The following APPBP2 variants were observed in gnomAD, a reference collection of about 807,000 sequenced individuals.
APPBP2 encodes amyloid beta precursor protein binding protein 2.
Under a neutral mutation model 76.0 loss-of-function variants are expected in APPBP2, and 15 were observed. The ratio of observed to expected loss-of-function variants is 0.20; its 90% CI spans 0.13 to 0.30. The LOEUF is 0.30. Ranked by LOEUF, APPBP2 falls within the 10% of genes least tolerant of loss-of-function variation. The pLI is 1.00. For synonymous variants in APPBP2, 222 were observed against 242.2 expected (o/e 0.92, Z 0.77); for missense variants, 401 against 687.2 (o/e 0.58, Z 4.66).
chr17:60,447,452 T>C lies in APPBP2; in HGVS notation c.*129A>G. The C allele has an allele frequency of 2.9e-6, 3 of 1,047,960 alleles. No individual in the cohort carries two copies. The highest frequency in any genetic ancestry group is 4.1e-6 in the Non-Finnish European group (3 of 730,120). 64.9% of individuals were successfully genotyped at this position (1,047,960 alleles called of 1,614,324 possible). ...TCTGCAAGATAGGGATCACCCAAAA[T>C]AGGGTCTTCAATGGACTGGACCAGT... On this transcript the variant is annotated 3_prime_UTR_variant, in exon 13 of 13. Transcript: ENST00000083182.
rs553004716 is a variant in APPBP2, at chr17:60,511,540, G to A, written c.139-11053C>T. 8.7e-5 allele frequency among the ~76,000 whole-genome samples: 13 copies of A among 149,390 alleles called. No homozygotes were observed. The South Asian group carries it at 1.9e-3, about 22-fold the overall frequency. The stretch of plus-strand genomic sequence containing the variant: ...GCAGAGGTTGCGGTGAGCCGAGATC[G>A]CATCACTGTATTCCAGCCTGGCGAC... On this transcript the variant is annotated intron_variant, in intron 1 of 12. Coordinates refer to ENST00000083182, the MANE Select transcript of APPBP2 (RefSeq NM_006380.5).
At position 60,506,397 on chromosome 17, in the gene APPBP2, C is replaced by A. The variant is rs375800756; in HGVS notation, c.139-5910G>T. Among the ~76,000 whole-genome samples the A allele has an allele frequency of 2.0e-5, 3 of 152,312 alleles. No individual in the cohort carries two copies. In the East Asian group the frequency reaches 5.8e-4, roughly 29 times the overall value. ...TCTTTTGGCTCATAACTTTTGCACA[C>A]ATATGCTACTACCTCTACATGAAGC... On this transcript the variant is annotated intron_variant, in intron 1 of 12. Coordinates refer to ENST00000083182, the MANE Select transcript of APPBP2 (RefSeq NM_006380.5).
chr17:60,491,589 C>A (rs1361014459), intron 3 of APPBP2, among the ~76,000 whole-genome samples: 1 of 151,990 alleles, frequency 6.6e-6, no homozygotes, highest in Non-Finnish European at 1.5e-5. Flanking sequence ...AGATTACAGG[C>A]ACCCGCCAAC....
chr17:60,506,620 T>C (rs1289662657), intron 1 of APPBP2, among the ~76,000 whole-genome samples: 2 of 152,226 alleles, frequency 1.3e-5, no homozygotes, highest in Non-Finnish European at 2.9e-5. Context: ...TAAACAGTCA[T>C]TTGTTAAATA....
At chr17:60,470,811 G>T (rs1270623274) in intron 4 of APPBP2, among the ~76,000 whole-genome samples, 1 of 135,102 alleles carries the variant, frequency 7.4e-6, no homozygotes, top group Non-Finnish European at 1.6e-5. Context: ...TTTTTTTTGA[G>T]ATGGGGTCTT....
At chr17:60,503,941 T>C (rs537974796) in intron 1 of APPBP2, among the ~76,000 whole-genome samples, 1 of 152,170 alleles carries the variant, frequency 6.6e-6, no homozygotes, top group Non-Finnish European at 1.5e-5. Context: ...ACTTACCCTA[T>C]ATTGCCTCTT....
intron 1 of APPBP2, among the ~76,000 whole-genome samples, chr17:60,503,154 C>T (rs936336573): frequency 2.1e-5 from 3 of 144,186 alleles, no homozygotes; most frequent in South Asian, 4.2e-4. Flanking sequence ...CCTGGACTAC[C>T]GGCGCGGGAT....
Position 60,525,883 on chromosome 17 carries a change from C to T in APPBP2, c.49G>A (p.Ala17Thr). 1 of 1,613,966 alleles carries T rather than the reference C, an allele frequency of 6.2e-7. No individual in the cohort carries two copies. Among genetic ancestry groups the T allele is most frequent in the South Asian group, 1.1e-5 (1 of 91,044 alleles). ...TAGTTGTCCACGACAGCGGAGATGG[C>T]GGTGTTATAGAGAGTCTCTGGGATC... ...EWIPETLYNT[A>T]ISAVVDNYIR... Residue 17 changes from alanine to threonine, a missense_variant, in exon 1 of 13, where the codon GCC becomes ACC. By Grantham distance (58) the Ala-to-Thr change is moderately conservative. This residue lies in a region of APPBP2 where 149 missense variants were observed against 198.4 expected (regional missense o/e 0.75). Transcript: ENST00000083182.
chr17:60,466,708 T>C (rs1197057055), intron 4 of APPBP2, among the ~76,000 whole-genome samples: 1 of 152,064 alleles, frequency 6.6e-6, no homozygotes, highest in Non-Finnish European at 1.5e-5. Context: ...ATATATTTTA[T>C]GTACTCAGCA....
At chr17:60,487,997 G>A (rs1434083663) in intron 3 of APPBP2, among the ~76,000 whole-genome samples, 1 of 152,240 alleles carries the variant, frequency 6.6e-6, no homozygotes, top group African/African-American at 2.4e-5. Flanking sequence ...GTCCACTCCA[G>A]ACCTTACTTG....
At chr17:60,494,314 T>C in intron 3 of APPBP2, 152 bp downstream of exon 3, 2 of 693,964 alleles carry the variant, frequency 2.9e-6, no homozygotes, top group Non-Finnish European at 4.7e-6. Flanking sequence ...AAATGTATAG[T>C]ATAATGCTTT....
chr17:60,506,847 C>G (rs1363399389), intron 1 of APPBP2, among the ~76,000 whole-genome samples: 3 of 152,156 alleles, frequency 2.0e-5, no homozygotes, highest in Admixed American at 1.3e-4. Flanking sequence ...ACCATCCTGG[C>G]CAACATGGTG....
Position 60,445,468 on chromosome 17 carries a change from C to T in APPBP2, c.*2113G>A, listed in dbSNP as rs1000169509. The T allele has an allele frequency of 3.3e-5, 5 of 152,448 alleles. No homozygotes were observed. The highest frequency in any genetic ancestry group is 5.9e-5 in the Non-Finnish European group (4 of 67,992). 9.4% of individuals were successfully genotyped at this position (152,448 alleles called of 1,614,324 possible). On this transcript the variant is annotated 3_prime_UTR_variant, in exon 13 of 13. Transcript: ENST00000083182. ...TTGAAAAAAAAACTTCATATGGAAA[C>T]ATGTTTCAAAATATTTATTGAAAAA...
At chr17:60,459,891 T>G (rs2090464535) in intron 9 of APPBP2, 1 of 152,234 alleles carries the variant, frequency 6.6e-6, no homozygotes, top group South Asian at 2.1e-4. Context: ...ATCTGTAAAC[T>G]TTCCCATCAC....
At chr17:60,492,287 G>A (rs1383412813) in intron 3 of APPBP2, among the ~76,000 whole-genome samples, 2 of 152,208 alleles carry the variant, frequency 1.3e-5, no homozygotes, top group Admixed American at 6.5e-5. Flanking sequence ...CTCTGCTAGG[G>A]CAGTGTGGAA....
At chr17:60,502,876 A>G in intron 1 of APPBP2, among the ~76,000 whole-genome samples, 1 of 146,506 alleles carries the variant, frequency 6.8e-6, no homozygotes, top group East Asian at 1.9e-4. Context: ...AGAATAAACA[A>G]AAACAAGTTA....
chr17:60,525,975 A>G lies in APPBP2; in HGVS notation c.-44T>C. The G allele has an allele frequency of 6.5e-7, 1 of 1,538,154 alleles. No homozygotes were observed. Among genetic ancestry groups the G allele is most frequent in the Non-Finnish European group, 8.8e-7 (1 of 1,137,066 alleles). On this transcript the variant is annotated 5_prime_UTR_variant, in exon 1 of 13. Transcript: ENST00000083182. ...CGCCTCCTCCGCCTCCTCCTCCCGA[A>G]GGCCCCCACCTCCCTCCGTAGCGAA... is the stretch of plus-strand genomic sequence containing the variant.
chr17:60,471,605 TA>T (rs1435970986), intron 4 of APPBP2, among the ~76,000 whole-genome samples: 12 of 152,232 alleles, frequency 7.9e-5, no homozygotes, highest in African/African-American at 2.9e-4. Flanking sequence ...TTCATCCTAT[TA>T]ACATGGTGTA....
At chr17:60,490,698 AG>A (rs2090721455) in intron 3 of APPBP2, among the ~76,000 whole-genome samples, 1 of 152,120 alleles carries the variant, frequency 6.6e-6, no homozygotes, top group South Asian at 2.1e-4. Context: ...ACATTATGGG[AG>A]GGACCTGGTG....
Sources: allele counts gnomAD v4.1 joint callset (sites outside exome capture counted in the v4.1 genomes callset), GRCh38; gene constraint gnomAD v4.1.1; regional missense constraint gnomAD v4.1.1; transcripts MANE v1.5; gene names NCBI Gene and HGNC (gene_info 2026-07-23, HGNC 2026-07-21).